MTUS2: variants seen among roughly 807,000 people sequenced by gnomAD.
MTUS2 encodes microtubule-associated tumor suppressor candidate 2.
In MTUS2, 40 loss-of-function variants were observed where a neutral mutation model predicts 114.1. The ratio of observed to expected loss-of-function variants is 0.35; its 90% CI spans 0.27 to 0.46. The LOEUF is 0.46. MTUS2 is among the 20% of genes least tolerant of loss of function. MTUS2 has a pLI of 1.00. For missense variants in MTUS2, 1,679 were observed against 1,705.4 expected (o/e 0.98, Z 0.27); for synonymous variants, 688 against 672.0 (o/e 1.02, Z -0.37).
chr13:28,928,605 A>G (rs1298758525), intron 2 of MTUS2, among the ~76,000 whole-genome samples: 1 of 152,160 alleles, frequency 6.6e-6, no homozygotes, highest in Admixed American at 6.6e-5. Flanking sequence ...AATGCTGCGG[A>G]GAATGGGGAA....
chr13:29,095,915 T>G (rs1364133536), intron 4 of MTUS2, among the ~76,000 whole-genome samples: 1 of 152,084 alleles, frequency 6.6e-6, no homozygotes, highest in Non-Finnish European at 1.5e-5. Context: ...TTAGTTATTT[T>G]ATTATATTTA....
intron 8 of MTUS2, among the ~76,000 whole-genome samples, chr13:29,420,854 C>G (rs1876043819): frequency 6.6e-6 from 1 of 152,132 alleles, no homozygotes; most frequent in South Asian, 2.1e-4. Context: ...GGCTGCCTCT[C>G]CTGTAATCAT....
At chr13:28,853,358 C>G (rs761554161) in intron 2 of MTUS2, among the ~76,000 whole-genome samples, 5 of 152,330 alleles carry the variant, frequency 3.3e-5, no homozygotes, top group Non-Finnish European at 7.3e-5. Flanking sequence ...TTACATATTC[C>G]TCTTCTCTAG....
intron 2 of MTUS2, among the ~76,000 whole-genome samples, chr13:28,879,488 T>G (rs995801473): frequency 6.6e-6 from 1 of 152,122 alleles, no homozygotes; most frequent in Non-Finnish European, 1.5e-5. Flanking sequence ...TTTTAGAAGG[T>G]GTATTTCATT....
intron 5 of MTUS2, among the ~76,000 whole-genome samples, chr13:29,200,605 C>G (rs1593593814): frequency 7.1e-6 from 1 of 141,728 alleles, no homozygotes; most frequent in African/African-American, 2.6e-5. Context: ...ACTGCACCCT[C>G]CATTTCCTGG....
chr13:29,104,403 A>G (rs1223484378), intron 5 of MTUS2, among the ~76,000 whole-genome samples: 2 of 151,490 alleles, frequency 1.3e-5, no homozygotes, highest in African/African-American at 4.8e-5. Flanking sequence ...TGATTTGAAT[A>G]TATTTTCTTT....
At chr13:29,003,755 A>G (rs74045511) in intron 2 of MTUS2, among the ~76,000 whole-genome samples, 2,694 of 152,274 alleles carry the variant, frequency 0.018, 81 homozygotes, top group African/African-American at 0.061. Context: ...CCCGGGTGAT[A>G]GACAAGAGCA....
intron 4 of MTUS2, among the ~76,000 whole-genome samples, chr13:29,080,163 G>A (rs945265991): frequency 9.2e-5 from 14 of 152,236 alleles, no homozygotes; most frequent in African/African-American, 2.6e-4. Flanking sequence ...AGGTGGATTC[G>A]TATCTCAATT....
chr13:29,260,419 A>G (rs1897427445), intron 5 of MTUS2, among the ~76,000 whole-genome samples: 1 of 152,226 alleles, frequency 6.6e-6, no homozygotes, highest in African/African-American at 2.4e-5. Flanking sequence ...CTACTACTGA[A>G]CAGTCATGAA....
At chr13:29,212,262 T>C (rs1895473024) in intron 5 of MTUS2, among the ~76,000 whole-genome samples, 2 of 152,186 alleles carry the variant, frequency 1.3e-5, no homozygotes, top group Non-Finnish European at 2.9e-5. Context: ...GGGATCTTTC[T>C]GGTTATTGAT....
In MTUS2 at chr13:29,244,813, G is replaced by A. The variant is rs898845566; in HGVS notation, c.2645-36891G>A. On this transcript the variant is annotated intron_variant, in intron 5 of 15. Transcript: ENST00000612955. ...CTACTAAAAATACAAAAAATTAGCCGGGCATAGTGGCGGGCGCCTGTAGTC... is the reference window on the plus strand; with the variant it reads ...CTACTAAAAATACAAAAAATTAGCCAGGCATAGTGGCGGGCGCCTGTAGTC... 2.0e-4 allele frequency among the ~76,000 whole-genome samples: 30 copies of A among 150,532 alleles called. No individual in the cohort carries two copies. In the East Asian group the frequency reaches 2.2e-3, roughly 11 times the overall value.
chr13:29,376,041 G>A (rs200860189), intron 8 of MTUS2, among the ~76,000 whole-genome samples: 13 of 102,964 alleles, frequency 1.3e-4, no homozygotes, highest in Non-Finnish European at 1.8e-4. Context: ...ATATATATAT[G>A]TGTGTGTGTG....
At chr13:28,964,411 G>T (rs1351753918) in intron 2 of MTUS2, among the ~76,000 whole-genome samples, 1 of 152,114 alleles carries the variant, frequency 6.6e-6, no homozygotes, top group Non-Finnish European at 1.5e-5. Flanking sequence ...AAATTGGATT[G>T]TGTCATTCCT....
At chr13:28,957,029 G>A (rs1295563369) in intron 2 of MTUS2, among the ~76,000 whole-genome samples, 1 of 152,192 alleles carries the variant, frequency 6.6e-6, no homozygotes, top group East Asian at 1.9e-4. Flanking sequence ...GAAGAAGGCT[G>A]CCCTAGAGAA....
intron 2 of MTUS2, among the ~76,000 whole-genome samples, chr13:28,899,312 CAG>C (rs1286660164): frequency 6.6e-6 from 1 of 152,200 alleles, no homozygotes; most frequent in African/African-American, 2.4e-5. Flanking sequence ...AACTTGTAAA[CAG>C]AGTGTAGCCA....
intron 8 of MTUS2, among the ~76,000 whole-genome samples, chr13:29,385,461 C>A (rs536557720): frequency 6.6e-6 from 1 of 152,186 alleles, no homozygotes; most frequent in Non-Finnish European, 1.5e-5. Context: ...GCAATTAGAA[C>A]GCTCCATAAA....
chr13:29,448,477 A>G (rs1307953020), intron 9 of MTUS2, among the ~76,000 whole-genome samples: 1 of 152,086 alleles, frequency 6.6e-6, no homozygotes, highest in East Asian at 1.9e-4. Flanking sequence ...GGAAATGGGG[A>G]AATGTCTTTT....
At chr13:29,344,486 T>G (rs1868470024) in intron 7 of MTUS2, among the ~76,000 whole-genome samples, 1 of 152,158 alleles carries the variant, frequency 6.6e-6, no homozygotes, top group South Asian at 2.1e-4. Flanking sequence ...ATTTTTGGTG[T>G]CCATTTGCAT....
intron 2 of MTUS2, among the ~76,000 whole-genome samples, chr13:28,925,511 C>T (rs1457078759): frequency 6.6e-6 from 1 of 152,188 alleles, no homozygotes; most frequent in African/African-American, 2.4e-5. Context: ...ATTTCTAGTA[C>T]TATCTTTTGA....
Sources: allele counts gnomAD v4.1 joint callset (sites outside exome capture counted in the v4.1 genomes callset), GRCh38; gene constraint gnomAD v4.1.1; transcripts MANE v1.5; gene names NCBI Gene and HGNC (gene_info 2026-07-23, HGNC 2026-07-21).